TMEM132C: variants seen among roughly 807,000 people sequenced by gnomAD.
The protein encoded by TMEM132C is transmembrane protein 132C, also known as protein phosphatase 1, regulatory subunit 152.
Under a neutral mutation model 61.4 loss-of-function variants are expected in TMEM132C, and 29 were observed. The ratio of observed to expected loss-of-function variants is 0.47; its 90% CI spans 0.35 to 0.64. TMEM132C has a LOEUF of 0.64. Among genes scored for constraint, TMEM132C ranks in the 30% least tolerant of loss-of-function variants. The probability of loss-of-function intolerance (pLI) is 0.00; values close to 1 mark genes in which losing one functional copy is unlikely to be tolerated. For missense variants in TMEM132C, 1,408 were observed against 1,476.9 expected (o/e 0.95, Z 0.76); for synonymous variants, 656 against 633.1 (o/e 1.04, Z -0.54).
At chr12:128,526,261 GAATTT>G (rs1303796791) in intron 2 of TMEM132C, among the ~76,000 whole-genome samples, 3 of 152,352 alleles carry the variant, frequency 2.0e-5, no homozygotes, top group Admixed American at 2.0e-4. Context: ...ATAGACAACA[GAATTT>G]AATTTCTCAG....
chr12:128,319,623 C>T (rs549325364), intron 1 of TMEM132C, among the ~76,000 whole-genome samples: 22 of 152,104 alleles, frequency 1.4e-4, no homozygotes, highest in Middle Eastern at 3.4e-3. Context: ...GTTAGGAGTT[C>T]GAGACCAGCC....
At position 128,695,831 on chromosome 12, in the gene TMEM132C, C is replaced by T; in HGVS notation, c.1657C>T (p.Pro553Ser). The T allele has an allele frequency of 6.5e-7, 1 of 1,540,760 alleles. No homozygotes were observed. Among genetic ancestry groups the T allele is most frequent in the Non-Finnish European group, 8.8e-7 (1 of 1,140,488 alleles). ...WRVPIVTNKR[P>S]TRESEDEDEE... is the part of the protein sequence containing the mutation. ...GAGCTCTTTGTCCCTTCCCACAAGG[C>T]CCACTCGTGAGAGCGAGGATGAGGA... is the stretch of plus-strand genomic sequence containing the variant. The change falls in exon 7 of 9, where the codon CCC (proline) becomes TCC (serine). Residue 553 changes from proline (P) to serine (S), a missense_variant and splice_region_variant. Pro to Ser is a moderately conservative substitution (Grantham distance 74). Coordinates refer to ENST00000435159, the MANE Select transcript of TMEM132C (RefSeq NM_001136103.3).
intron 3 of TMEM132C, among the ~76,000 whole-genome samples, chr12:128,571,598 T>C (rs562698581): frequency 6.6e-6 from 1 of 152,280 alleles, no homozygotes; most frequent in South Asian, 2.1e-4. Context: ...CTATTTTCTG[T>C]CTCTATGAAT....
intron 3 of TMEM132C, among the ~76,000 whole-genome samples, chr12:128,568,362 T>A (rs1874769499): frequency 6.6e-6 from 1 of 152,228 alleles, no homozygotes; most frequent in Non-Finnish European, 1.5e-5. Context: ...ACAGCTTTAT[T>A]ATTTATGCTC....
intron 1 of TMEM132C, among the ~76,000 whole-genome samples, chr12:128,296,202 A>T (rs1330176150): frequency 1.3e-5 from 2 of 152,232 alleles, no homozygotes. Flanking sequence ...TTTCCCAATC[A>T]TTGGAGGTTC....
intron 2 of TMEM132C, among the ~76,000 whole-genome samples, chr12:128,445,759 A>G (rs1222271054): frequency 2.0e-5 from 3 of 152,178 alleles, no homozygotes; most frequent in South Asian, 2.1e-4. Context: ...TCTGCGGGGA[A>G]TAAGAGTAAC....
chr12:128,568,542 C>T (rs565472097), intron 3 of TMEM132C, among the ~76,000 whole-genome samples: 165 of 152,292 alleles, frequency 1.1e-3, no homozygotes, highest in African/African-American at 3.5e-3. Flanking sequence ...CACATCCCTA[C>T]GAGGTGGGTG....
intron 5 of TMEM132C, among the ~76,000 whole-genome samples, chr12:128,673,086 C>T (rs1033240239): frequency 1.3e-5 from 2 of 152,190 alleles, no homozygotes; most frequent in African/African-American, 4.8e-5. Flanking sequence ...GAGAGGAATG[C>T]TGGCCTTCGA....
chr12:128,446,565 A>G (rs1407774678), intron 2 of TMEM132C, among the ~76,000 whole-genome samples: 2 of 152,228 alleles, frequency 1.3e-5, no homozygotes, highest in Non-Finnish European at 2.9e-5. Context: ...TTTAGCAAAC[A>G]CCTATTGACT....
chr12:128,349,749 T>C (rs1477587033), intron 1 of TMEM132C, among the ~76,000 whole-genome samples: 3 of 152,202 alleles, frequency 2.0e-5, no homozygotes, highest in African/African-American at 4.8e-5. Context: ...GTAATTTCTT[T>C]GGTGGCAGTA....
In TMEM132C at chr12:128,666,951, T is replaced by A. The variant is rs934155674; in HGVS notation, c.1306-2466T>A. On this transcript the variant is annotated intron_variant, in intron 4 of 8. Coordinates refer to ENST00000435159, the MANE Select transcript of TMEM132C (RefSeq NM_001136103.3). The stretch of plus-strand genomic sequence containing the variant: ...CGGGCGTGGTGGCCGGTGCCTGTAG[T>A]CCCCGCTACTCGGGAGGCTGAGGCA... 1.3e-5 allele frequency among the ~76,000 whole-genome samples: 2 copies of A among 152,094 alleles called. 1 individual carries two copies. Among genetic ancestry groups the A allele is most frequent in the Admixed American group, 1.3e-4 (2 of 15,274 alleles).
At chr12:128,434,200 G>A (rs1265893476) in intron 2 of TMEM132C, among the ~76,000 whole-genome samples, 2 of 152,214 alleles carry the variant, frequency 1.3e-5, no homozygotes, top group Non-Finnish European at 1.5e-5. Context: ...CAAACTAGTG[G>A]TTCTCAAAGT....
intron 1 of TMEM132C, among the ~76,000 whole-genome samples, chr12:128,361,908 G>A (rs1177606190): frequency 6.6e-6 from 1 of 152,130 alleles, no homozygotes; most frequent in Non-Finnish European, 1.5e-5. Flanking sequence ...CTCCAAGACT[G>A]TGCCATTTCA....
intron 2 of TMEM132C, among the ~76,000 whole-genome samples, chr12:128,528,012 G>C (rs533974339): frequency 3.3e-4 from 51 of 152,258 alleles, no homozygotes; most frequent in Admixed American, 8.5e-4. Flanking sequence ...AGTAATTCAA[G>C]GAAAACACTT....
intron 5 of TMEM132C, among the ~76,000 whole-genome samples, chr12:128,679,103 G>T (rs10773566): frequency 0.63 from 95,296 of 152,112 alleles, 30,778 homozygotes; most frequent in African/African-American, 0.8. Flanking sequence ...AGAAAAGGCA[G>T]GTGACACGCC....
chr12:128,384,399 G>T (rs988658446), intron 1 of TMEM132C, among the ~76,000 whole-genome samples: 1 of 152,204 alleles, frequency 6.6e-6, no homozygotes, highest in African/African-American at 2.4e-5. Flanking sequence ...ACAACGGCAG[G>T]CAGGGTTGTA....
chr12:128,517,665 T>C (rs926211773), intron 2 of TMEM132C, among the ~76,000 whole-genome samples: 3 of 152,238 alleles, frequency 2.0e-5, no homozygotes, highest in Admixed American at 1.3e-4. Flanking sequence ...TCTCTGTGTA[T>C]TGGAACTTTT....
chr12:128,704,990 G>A, intron 8 of TMEM132C, 100 bp from the exon 9 acceptor site: 1 of 1,327,430 alleles, frequency 7.5e-7, no homozygotes, highest in Non-Finnish European at 1.0e-6. Context: ...GTCTGGATTT[G>A]AGGTCCTGCT....
chr12:128,596,753 A>G (rs1875967042), intron 3 of TMEM132C, among the ~76,000 whole-genome samples: 2 of 152,146 alleles, frequency 1.3e-5, no homozygotes, highest in South Asian at 2.1e-4. Context: ...GGCAGGGCTT[A>G]AAGAACCTGC....
Sources: allele counts gnomAD v4.1 joint callset (sites outside exome capture counted in the v4.1 genomes callset), GRCh38; gene constraint gnomAD v4.1.1; transcripts MANE v1.5; gene names NCBI Gene and HGNC (gene_info 2026-07-23, HGNC 2026-07-21).